The following TRPM2 variants were observed in gnomAD, a reference collection of about 807,000 sequenced individuals.
TRPM2 encodes the protein estrogen-responsive element-associated gene 1 protein.
TRPM2 carries 161 observed loss-of-function variants against 174.0 expected under a neutral mutation model. The ratio of observed to expected loss-of-function variants is 0.93; its 90% CI spans 0.81 to 1.05. The LOEUF is 1.05. TRPM2 is among the 50% of genes least tolerant of loss of function. TRPM2 has a pLI of 0.00. For synonymous variants in TRPM2, 954 were observed against 861.3 expected, an observed-to-expected ratio of 1.11 and a Z score of -1.88; for missense variants, 2,057 against 2,038.0, an observed-to-expected ratio of 1.01 and a Z score of -0.18.
chr21:44,397,882 C>A lies in TRPM2; in HGVS notation c.2062+6C>A. On this transcript the variant is annotated splice_donor_region_variant and intron_variant, in intron 13 of 31. Transcript: ENST00000397928. ...GTATGAGCACAGAGCCATCGGTGAGCTCTGCCGGGCACGGGCTGCAGGCCA... is the reference window on the plus strand; with the variant it reads ...GTATGAGCACAGAGCCATCGGTGAGATCTGCCGGGCACGGGCTGCAGGCCA... 1 of 1,591,738 alleles carries A rather than the reference C, an allele frequency of 6.3e-7. No homozygotes were observed. The highest frequency in any genetic ancestry group is 8.6e-7 in the Non-Finnish European group (1 of 1,169,546).
chr21:44,372,909 T>G (rs975344086), intron 5 of TRPM2, among the ~76,000 whole-genome samples: 1 of 152,224 alleles, frequency 6.6e-6, no homozygotes, highest in Non-Finnish European at 1.5e-5. Context: ...CTTGAAGATT[T>G]TAAGGAGTCT....
At chr21:44,419,960 A>G (rs1218785849) in intron 22 of TRPM2, among the ~76,000 whole-genome samples, 2 of 149,322 alleles carry the variant, frequency 1.3e-5, no homozygotes, top group Non-Finnish European at 1.5e-5. Context: ...GGTGGTGACG[A>G]TGGTGGATGT....
At chr21:44,394,402 C>A (rs546549992) in intron 11 of TRPM2, among the ~76,000 whole-genome samples, 36 of 151,104 alleles carry the variant, frequency 2.4e-4, no homozygotes, top group African/African-American at 8.5e-4. Context: ...TCACTGCAAC[C>A]TCCACCTCCT....
At chr21:44,435,357 C>T (rs912763468) in intron 28 of TRPM2, 140 bp downstream of exon 28, 136 of 810,176 alleles carry the variant, frequency 1.7e-4, no homozygotes, top group Non-Finnish European at 2.4e-4. Context: ...TGGGGGGATG[C>T]GGGAGGCGTC....
In TRPM2 at chr21:44,414,022, T is replaced by C; in HGVS notation, c.3094T>C (p.Tyr1032His). ...EWLTVLLLCL[Y>H]LLFTNILLLN... The stretch of plus-strand genomic sequence containing the variant: ...GCTGACGGTCCTCCTACTCTGCCTC[T>C]ACCTGCTCTTCACCAACATCCTGCT... Residue 1032 changes from tyrosine (Y) to histidine (H), a missense_variant, in exon 20 of 32, where the codon TAC becomes CAC. Transcript: ENST00000397928. 6.2e-7 allele frequency: 1 copy of C among 1,613,688 alleles called. No individual in the cohort carries two copies. Among genetic ancestry groups the C allele is most frequent in the Non-Finnish European group, 8.5e-7 (1 of 1,180,000 alleles).
intron 9 of TRPM2, among the ~76,000 whole-genome samples, chr21:44,384,597 G>A (rs2048969851): frequency 6.6e-6 from 1 of 152,174 alleles, no homozygotes; most frequent in South Asian, 2.1e-4. Flanking sequence ...GCTTTGCCCT[G>A]TAATGGATCA....
chr21:44,420,104 G>A (rs1007482152), intron 22 of TRPM2, among the ~76,000 whole-genome samples: 7 of 152,086 alleles, frequency 4.6e-5, no homozygotes, highest in South Asian at 2.1e-4. Flanking sequence ...CTAGATACAC[G>A]TGTCCTGTTT....
intron 27 of TRPM2, among the ~76,000 whole-genome samples, chr21:44,429,252 G>T (rs11088952): frequency 6.8e-6 from 1 of 146,064 alleles, no homozygotes; most frequent in African/African-American, 2.5e-5. Context: ...TGTTATTTGG[G>T]GTAATTATAA....
chr21:44,399,525 C>A lies in TRPM2; in HGVS notation c.2208+84C>A. 1 of 1,511,568 alleles carries A rather than the reference C, an allele frequency of 6.6e-7. No homozygotes were observed. The highest frequency in any genetic ancestry group is 8.9e-7 in the Non-Finnish European group (1 of 1,128,410). The allele number at this position is 1,511,568 out of a possible 1,614,324, so 93.6% of individuals were successfully genotyped here. On this transcript the variant is annotated intron_variant, in intron 14 of 31. Transcript: ENST00000397928. This position sits in a 1 kb window ranked among gnomAD's most constrained non-coding sequence, Gnocchi z 4.6. ...CAGCCTCCTGTTCGTGCAGTTGGCACGCACACTCACACAGGCTTCAGGGCC... is the reference window on the plus strand; with the variant it reads ...CAGCCTCCTGTTCGTGCAGTTGGCAAGCACACTCACACAGGCTTCAGGGCC...
At chr21:44,404,378 C>CCT (rs2049784514) in intron 16 of TRPM2, among the ~76,000 whole-genome samples, 1 of 81,952 alleles carries the variant, frequency 1.2e-5, no homozygotes, top group South Asian at 3.4e-4. Flanking sequence ...TGCACACATA[C>CCT]ATACACACAC....
At position 44,391,396 on chromosome 21, in the gene TRPM2, T is replaced by TGTACGAGA; in HGVS notation, c.1566_1573dup (p.Asn525SerfsTer81). The TGTACGAGA allele has an allele frequency of 6.2e-7, 1 of 1,614,138 alleles. No homozygotes were observed. Among genetic ancestry groups the TGTACGAGA allele is most frequent in the Non-Finnish European group, 8.5e-7 (1 of 1,180,048 alleles). ...GTCACCTGGGACACCTTGCTCTACCTGTACGAGAACCTGGACCCCTCCTGC... is the reference window on the plus strand; with the variant it reads ...GTCACCTGGGACACCTTGCTCTACCTGTACGAGAGTACGAGAACCTGGACCCCTCCTGC... On this transcript the variant is annotated frameshift_variant, in exon 11 of 32. Transcript: ENST00000397928. LOFTEE classifies it high-confidence loss of function. The surrounding 1 kb of genome is among the most constrained non-coding windows in gnomAD (Gnocchi z 5.0).
rs1333358764 is a variant in TRPM2 at position 44,435,219 on chromosome 21, T to A, written c.4061+2T>A. The A allele has an allele frequency of 6.2e-7, 1 of 1,611,430 alleles. No individual in the cohort carries two copies. The highest frequency in any genetic ancestry group is 8.5e-7 in the Non-Finnish European group (1 of 1,178,384). On this transcript the variant is annotated splice_donor_variant, in intron 28 of 31. Coordinates refer to ENST00000397928, the MANE Select transcript of TRPM2 (RefSeq NM_003307.4). LOFTEE classifies it high-confidence loss of function. ...CACGCTGTACCCCATGGTCACGCGG[T>A]GAGTTCATGTGTGCCGGGCACCAGC...
chr21:44,351,492 G>T (rs2047925387), upstream of TRPM2, among the ~76,000 whole-genome samples: 1 of 152,248 alleles, frequency 6.6e-6, no homozygotes, highest in African/African-American at 2.4e-5. Flanking sequence ...CTCATTTCCT[G>T]AGTGCTCTCA....
Position 44,354,881 on chromosome 21 carries a change from G to C in TRPM2, c.254+145G>C. On this transcript the variant is annotated intron_variant, in intron 2 of 31. Coordinates refer to ENST00000397928, the MANE Select transcript of TRPM2 (RefSeq NM_003307.4). This position sits in a 1 kb window ranked among gnomAD's most constrained non-coding sequence, Gnocchi z 4.3. ...CTCCATACGAGGCTTAGAGTCCACA[G>C]AGCATTTCCACCTAACCCTTGCAAG... 1 of 728,898 alleles carries C rather than the reference G, an allele frequency of 1.4e-6. No individual in the cohort carries two copies. The highest frequency in any genetic ancestry group is 1.7e-5 in the South Asian group (1 of 59,032). 45.2% of individuals were successfully genotyped at this position (728,898 alleles called of 1,614,324 possible).
chr21:44,397,905 C>A, intron 13 of TRPM2, 29 bp downstream of exon 13: 1 of 1,563,928 alleles, frequency 6.4e-7, no homozygotes, highest in Non-Finnish European at 8.7e-7. Flanking sequence ...GGGCTGCAGG[C>A]CATGGCTCAG....
chr21:44,368,219 A>G (rs1480621709), intron 4 of TRPM2, among the ~76,000 whole-genome samples: 2 of 151,992 alleles, frequency 1.3e-5, no homozygotes, highest in African/African-American at 2.4e-5. Flanking sequence ...TCTTGGGCTC[A>G]GGTGATACTC....
rs2051076013 is a variant in TRPM2, at chr21:44,432,889, G to A, written c.3975-2242G>A. Among the ~76,000 whole-genome samples the A allele has an allele frequency of 6.6e-6, 1 of 152,170 alleles. No homozygotes were observed. The highest frequency in any genetic ancestry group is 1.5e-5 in the Non-Finnish European group (1 of 68,038). On this transcript the variant is annotated intron_variant, in intron 27 of 31. Transcript: ENST00000397928. The surrounding 1 kb of genome is among the most constrained non-coding windows in gnomAD (Gnocchi z 4.9). The stretch of plus-strand genomic sequence containing the variant: ...TTGCGCTTTGGGGTTGTGTGCGTAG[G>A]TTTATGGACGGGCCTATGCCTTGAT...
At chr21:44,370,402 A>G (rs1206866142) in intron 5 of TRPM2, among the ~76,000 whole-genome samples, 1 of 152,206 alleles carries the variant, frequency 6.6e-6, no homozygotes, top group Admixed American at 6.5e-5. Flanking sequence ...AACTGGACGC[A>G]GGAGAAGCAG....
chr21:44,401,297 G>T (rs1358622293), intron 15 of TRPM2, among the ~76,000 whole-genome samples: 13 of 152,130 alleles, frequency 8.5e-5, no homozygotes, highest in Admixed American at 8.5e-4. Flanking sequence ...TTACAGGAGG[G>T]TGACTAAGGC....
Sources: allele counts gnomAD v4.1 joint callset (sites outside exome capture counted in the v4.1 genomes callset), GRCh38; gene constraint gnomAD v4.1.1; non-coding constraint Gnocchi (gnomAD v3.1); transcripts MANE v1.5; gene names NCBI Gene and HGNC (gene_info 2026-07-23, HGNC 2026-07-21).